DLG2: variants seen among roughly 807,000 people sequenced by gnomAD.
DLG2 encodes disks large homolog 2.
Under a neutral mutation model 132.5 loss-of-function variants are expected in DLG2, and 45 were observed. That is an observed-to-expected ratio of 0.34 (90% CI 0.27 to 0.44). The LOEUF is 0.44. Among genes scored for constraint, DLG2 ranks in the 20% least tolerant of loss-of-function variants. The pLI, the probability that DLG2 is intolerant of heterozygous loss-of-function variation, is 1.00. For synonymous variants in DLG2, 424 were observed against 419.6 expected (o/e 1.01, Z -0.13); for missense variants, 1,045 against 1,196.9 (o/e 0.87, Z 1.87).
chr11:83,775,574 G>A (rs1482156628), intron 18 of DLG2, among the ~76,000 whole-genome samples: 1 of 152,134 alleles, frequency 6.6e-6, no homozygotes, highest in African/African-American at 2.4e-5. Flanking sequence ...TCATACATGC[G>A]AGTTTTAATT....
At chr11:85,302,646 TA>T (rs202166044) in intron 3 of DLG2, among the ~76,000 whole-genome samples, 4,919 of 105,816 alleles carry the variant, frequency 0.046, 99 homozygotes, top group African/African-American at 0.082. Flanking sequence ...CTTGAAAAGT[TA>T]AAAAAAAAAA....
At chr11:83,657,688 G>A (rs1171661776) in intron 18 of DLG2, among the ~76,000 whole-genome samples, 10 of 151,646 alleles carry the variant, frequency 6.6e-5, no homozygotes, top group South Asian at 2.1e-4. Flanking sequence ...ACAGGCACCC[G>A]CCACCATGCC....
At chr11:84,819,388 T>C (rs1025165970) in intron 6 of DLG2, among the ~76,000 whole-genome samples, 1 of 151,906 alleles carries the variant, frequency 6.6e-6, no homozygotes, top group Admixed American at 6.6e-5. Flanking sequence ...TTTTCTTCAG[T>C]GACACTGAGA....
rs554818946 is a variant in DLG2, at chr11:83,659,621, C to A, written c.1826-26296G>T. Among the ~76,000 whole-genome samples the A allele has an allele frequency of 2.5e-4, 38 of 152,236 alleles. No homozygotes were observed. The East Asian group carries it at 2.5e-3, about 10-fold the overall frequency. On this transcript the variant is annotated intron_variant, in intron 18 of 27. Coordinates refer to ENST00000376104, the MANE Select transcript of DLG2 (RefSeq NM_001142699.3). Reference sequence around the variant, plus strand: ...GGCTCTGCCTTTCTTTGTGTGCAACCCTGGTGGTGTAGGGATTACTCTCAT... The same window carrying A: ...GGCTCTGCCTTTCTTTGTGTGCAACACTGGTGGTGTAGGGATTACTCTCAT...
At chr11:84,174,184 T>C (rs2095891984) in intron 8 of DLG2, among the ~76,000 whole-genome samples, 1 of 151,948 alleles carries the variant, frequency 6.6e-6, no homozygotes, top group Non-Finnish European at 1.5e-5. Context: ...ATCCTTTACA[T>C]TTGTTATCAA....
intron 19 of DLG2, among the ~76,000 whole-genome samples, chr11:83,550,329 T>C (rs1486729720): frequency 2.0e-5 from 3 of 152,158 alleles, no homozygotes; most frequent in Non-Finnish European, 4.4e-5. Context: ...TCTTAAGTCC[T>C]CAGTGCTCCC....
At chr11:85,385,994 G>T (rs959204796) in intron 3 of DLG2, among the ~76,000 whole-genome samples, 1 of 152,176 alleles carries the variant, frequency 6.6e-6, no homozygotes, top group Non-Finnish European at 1.5e-5. Flanking sequence ...TCCTCGAGGA[G>T]AATTAGTCTT....
At chr11:84,821,652 A>G (rs2077707608) in intron 6 of DLG2, among the ~76,000 whole-genome samples, 1 of 82,436 alleles carries the variant, frequency 1.2e-5, no homozygotes, top group Non-Finnish European at 2.9e-5. Flanking sequence ...CAACAACAAC[A>G]AAAAAAACAA....
At chr11:84,552,081 T>C (rs2099402856) in intron 6 of DLG2, among the ~76,000 whole-genome samples, 1 of 152,162 alleles carries the variant, frequency 6.6e-6, no homozygotes, top group African/African-American at 2.4e-5. Context: ...GCTGTAGCTA[T>C]CTCAGTAACC....
rs2098747367 is a variant in DLG2, at chr11:84,381,006, T to C, written c.520-129715A>G. On this transcript the variant is annotated intron_variant, in intron 7 of 27. Transcript: ENST00000376104. ...CTTAAAGTTATGCGAAAGGAAGGAA[T>C]TGGGGAATGTAAAAATAATATTAGG... Among the ~76,000 whole-genome samples the C allele has an allele frequency of 2.0e-5, 3 of 151,910 alleles. 1 individual carries two copies. Among genetic ancestry groups the C allele is most frequent in the Admixed American group, 1.3e-4 (2 of 15,230 alleles).
At chr11:85,117,811 T>C (rs2073841931) in intron 5 of DLG2, among the ~76,000 whole-genome samples, 1 of 152,070 alleles carries the variant, frequency 6.6e-6, no homozygotes, top group Non-Finnish European at 1.5e-5. Context: ...TTTTAATTAA[T>C]ACATTGGGAC....
At chr11:83,518,505 C>T (rs557285442) in intron 21 of DLG2, among the ~76,000 whole-genome samples, 82 of 152,306 alleles carry the variant, frequency 5.4e-4, no homozygotes, top group African/African-American at 1.9e-3. Flanking sequence ...TCAGCGATGC[C>T]TCACCCTGCT....
intron 6 of DLG2, among the ~76,000 whole-genome samples, chr11:84,669,676 T>C (rs1346155911): frequency 6.6e-6 from 1 of 152,198 alleles, no homozygotes; most frequent in East Asian, 1.9e-4. Flanking sequence ...TTTCACAGCC[T>C]ATCCTGTAGT....
chr11:84,726,449 C>A (rs897192564), intron 6 of DLG2, among the ~76,000 whole-genome samples: 1 of 151,988 alleles, frequency 6.6e-6, no homozygotes, highest in East Asian at 1.9e-4. Flanking sequence ...TAAAGTCACC[C>A]TTTTTATGGC....
intron 3 of DLG2, among the ~76,000 whole-genome samples, chr11:85,508,167 G>A (rs543980566): frequency 1.1e-4 from 17 of 152,092 alleles, no homozygotes; most frequent in African/African-American, 3.9e-4. Context: ...CCTTTAGCTC[G>A]GAGAAGTTTG....
At chr11:84,617,996 C>A (rs1441293278) in intron 6 of DLG2, among the ~76,000 whole-genome samples, 2 of 151,988 alleles carry the variant, frequency 1.3e-5, no homozygotes, top group African/African-American at 4.8e-5. Context: ...GCACTTAAAC[C>A]AGTCTTGGGG....
chr11:84,726,876 T>C (rs926604181), intron 6 of DLG2, among the ~76,000 whole-genome samples: 8 of 152,234 alleles, frequency 5.3e-5, no homozygotes, highest in African/African-American at 1.7e-4. Flanking sequence ...ATTTTTCATA[T>C]GTCTGTTGGC....
At chr11:85,045,040 G>C (rs2062206767) in intron 6 of DLG2, among the ~76,000 whole-genome samples, 1 of 151,962 alleles carries the variant, frequency 6.6e-6, no homozygotes, top group African/African-American at 2.4e-5. Context: ...TTATTTGACT[G>C]TCATTTTTGG....
intron 16 of DLG2, among the ~76,000 whole-genome samples, chr11:83,849,108 C>T (rs2059191305): frequency 6.6e-6 from 1 of 152,122 alleles, no homozygotes; most frequent in Non-Finnish European, 1.5e-5. Context: ...AGACACACAT[C>T]TAAGTTTAAA....
Sources: gnomAD v4.1 joint callset for allele counts (sites outside exome capture counted in the v4.1 genomes callset) on GRCh38, gnomAD v4.1.1 for gene constraint, MANE v1.5 for transcripts, NCBI Gene and HGNC (gene_info 2026-07-23, HGNC 2026-07-21) for gene names.